PTPRN2: variants seen among roughly 807,000 people sequenced by gnomAD.
The protein encoded by PTPRN2 is receptor-type tyrosine-protein phosphatase N2.
PTPRN2 carries 74 observed loss-of-function variants against 118.8 expected under a neutral mutation model. The observed-to-expected ratio is 0.62, with a 90% CI of 0.52 to 0.76. The LOEUF is 0.76. Among genes scored for constraint, PTPRN2 ranks in the 30% least tolerant of loss-of-function variants. The probability of loss-of-function intolerance (pLI) is 0.00; values close to 1 mark genes in which losing one functional copy is unlikely to be tolerated. For synonymous variants in PTPRN2, 641 were observed against 608.0 expected, an observed-to-expected ratio of 1.05 and a Z score of -0.80; for missense variants, 1,481 against 1,394.4, an observed-to-expected ratio of 1.06 and a Z score of -0.99.
Position 158,129,244 on chromosome 7 carries a change from GACACCCC to G in PTPRN2, c.1556+4426_1556+4432del, listed in dbSNP as rs1382403366. On this transcript the variant is annotated intron_variant, in intron 9 of 22. Coordinates refer to ENST00000389418, the MANE Select transcript of PTPRN2 (RefSeq NM_002847.5). ...AGCACACCACACACGACACACAACA[GACACCCC>G]ACACTACACACCACACACTACACAC... 1.7e-3 allele frequency among the ~76,000 whole-genome samples: 214 copies of G among 123,762 alleles called. 1 individual carries two copies. The highest frequency in any genetic ancestry group is 6.3e-3 in the African/African-American group (189 of 29,986). The allele number at this position is 123,762 out of a possible 152,430, so 81.2% of individuals were successfully genotyped here.
At chr7:158,352,925 G>A (rs554947970) in intron 2 of PTPRN2, among the ~76,000 whole-genome samples, 63 of 152,284 alleles carry the variant, frequency 4.1e-4, no homozygotes, top group African/African-American at 1.1e-3. Flanking sequence ...GCCGCACCAG[G>A]GCCTGCACCA....
intron 3 of PTPRN2, among the ~76,000 whole-genome samples, chr7:158,242,486 C>A (rs1795958015): frequency 6.6e-6 from 1 of 152,204 alleles, no homozygotes; most frequent in Non-Finnish European, 1.5e-5. Context: ...GAATACTGGC[C>A]TGTAGTCTTC....
At chr7:158,482,573 CTA>C (rs1403411932) in intron 2 of PTPRN2, among the ~76,000 whole-genome samples, 8 of 152,140 alleles carry the variant, frequency 5.3e-5, no homozygotes, top group Admixed American at 4.6e-4. Context: ...AGACATAGTG[CTA>C]TTACACACTT....
At chr7:158,157,913 G>A (rs1005494687) in intron 6 of PTPRN2, among the ~76,000 whole-genome samples, 1 of 152,212 alleles carries the variant, frequency 6.6e-6, no homozygotes, top group Non-Finnish European at 1.5e-5. Context: ...TAACATAGGT[G>A]CCTTCTCCTC....
intron 11 of PTPRN2, among the ~76,000 whole-genome samples, chr7:158,057,885 A>C (rs1809917568): frequency 6.6e-6 from 1 of 152,192 alleles, no homozygotes; most frequent in African/African-American, 2.4e-5. Flanking sequence ...GAAGGAGTTA[A>C]AGTCCTCAGG....
intron 6 of PTPRN2, among the ~76,000 whole-genome samples, chr7:158,141,506 A>C (rs996122001): frequency 1.9e-4 from 29 of 152,266 alleles, no homozygotes; most frequent in African/African-American, 6.7e-4. Context: ...TTCCAAACAC[A>C]AGTGCCGATG....
chr7:157,562,561 A>T lies in PTPRN2; in HGVS notation c.2902+6341T>A, dbSNP rs550070535. On this transcript the variant is annotated intron_variant, in intron 21 of 22. Transcript: ENST00000389418. The stretch of plus-strand genomic sequence containing the variant: ...ACTGTATGGAACAAGGCGGCTCTGG[A>T]GGGCTGCTGGCCTTCAAAGTCCGGG... Among the ~76,000 whole-genome samples, 7 of 152,346 alleles carry T rather than the reference A, an allele frequency of 4.6e-5. No homozygotes were observed. In the East Asian group the frequency reaches 1.4e-3, roughly 29 times the overall value.
At chr7:158,304,461 A>G (rs113746920) in intron 3 of PTPRN2, among the ~76,000 whole-genome samples, 3,890 of 136,392 alleles carry the variant, frequency 0.029, 176 homozygotes, top group African/African-American at 0.1. Flanking sequence ...CCGTCAATAC[A>G]CTAAGATGTA....
At chr7:158,055,541 C>T (rs986046695) in intron 11 of PTPRN2, among the ~76,000 whole-genome samples, 12 of 152,336 alleles carry the variant, frequency 7.9e-5, no homozygotes, top group South Asian at 2.1e-4. Flanking sequence ...TCAGTGGTCA[C>T]GCTCCTAGTC....
At chr7:158,004,771 ACT>A (rs1193439743) in intron 11 of PTPRN2, among the ~76,000 whole-genome samples, 1 of 152,036 alleles carries the variant, frequency 6.6e-6, no homozygotes, top group Non-Finnish European at 1.5e-5. Context: ...CACTTCTGTG[ACT>A]CTGAGTTCAT....
In PTPRN2 at chr7:158,519,282, T is replaced by C. The variant is rs1823807874; in HGVS notation, c.113-29497A>G. On this transcript the variant is annotated intron_variant, in intron 1 of 22. Transcript: ENST00000389418. Reference sequence around the variant, plus strand: ...TGACACTGTCCTGCCAGCCAGCACATCTCCTCATTTTATGAAGTCGGACTC... The same window carrying C: ...TGACACTGTCCTGCCAGCCAGCACACCTCCTCATTTTATGAAGTCGGACTC... 2.0e-5 allele frequency among the ~76,000 whole-genome samples: 3 copies of C among 152,310 alleles called. No individual in the cohort carries two copies. The South Asian group carries it at 6.2e-4, about 32-fold the overall frequency.
chr7:158,466,463 A>G (rs908300467), intron 2 of PTPRN2, among the ~76,000 whole-genome samples: 1 of 152,038 alleles, frequency 6.6e-6, no homozygotes, highest in Non-Finnish European at 1.5e-5. Flanking sequence ...CACTATTTAC[A>G]ACATCATGTC....
At chr7:158,016,376 G>C (rs564380084) in intron 11 of PTPRN2, among the ~76,000 whole-genome samples, 1 of 152,308 alleles carries the variant, frequency 6.6e-6, no homozygotes, top group East Asian at 1.9e-4. Context: ...AGGGGGAGTG[G>C]GCTGTGAGTG....
chr7:158,276,060 T>C (rs1433187397), intron 3 of PTPRN2, among the ~76,000 whole-genome samples: 1 of 152,166 alleles, frequency 6.6e-6, no homozygotes, highest in African/African-American at 2.4e-5. Context: ...TACAGTCTCC[T>C]GGGAGCCCAC....
At chr7:158,536,218 T>A (rs895212319) in intron 1 of PTPRN2, among the ~76,000 whole-genome samples, 2 of 152,100 alleles carry the variant, frequency 1.3e-5, no homozygotes, top group African/African-American at 4.8e-5. Context: ...AATCATCACC[T>A]CCTCCTCTGG....
intron 12 of PTPRN2, among the ~76,000 whole-genome samples, chr7:157,758,565 T>C (rs1042169111): frequency 1.3e-5 from 2 of 152,240 alleles, no homozygotes; most frequent in Non-Finnish European, 2.9e-5. Flanking sequence ...GCAGCTGCTG[T>C]GCTGGGAAGG....
At chr7:158,293,746 AC>A (rs1800271668) in intron 3 of PTPRN2, among the ~76,000 whole-genome samples, 1 of 76,722 alleles carries the variant, frequency 1.3e-5, no homozygotes, top group South Asian at 5.9e-4. Context: ...CACTTTTAAA[AC>A]TTTTTTGTTA....
rs529443598 is a variant in PTPRN2, at chr7:157,587,966, G to T, written c.2496+7272C>A. The stretch of plus-strand genomic sequence containing the variant: ...CTGGGCTCCCGCGGTGGCTGTCCCC[G>T]TGCCTGGGCTCCCGCGGTGGCTGTC... On this transcript the variant is annotated intron_variant, in intron 17 of 22. Transcript: ENST00000389418. This position sits in a 1 kb window ranked among gnomAD's most constrained non-coding sequence, Gnocchi z 5.3. 6.7e-6 allele frequency among the ~76,000 whole-genome samples: 1 copy of T among 150,190 alleles called. No homozygotes were observed. The highest frequency in any genetic ancestry group is 2.5e-5 in the African/African-American group (1 of 40,706).
intron 12 of PTPRN2, among the ~76,000 whole-genome samples, chr7:157,773,786 C>T (rs1803029899): frequency 6.6e-6 from 1 of 152,224 alleles, no homozygotes; most frequent in Non-Finnish European, 1.5e-5. Context: ...TTGTGTCCGC[C>T]TCATCCAGTT....
Sources: gnomAD v4.1 joint callset for allele counts (sites outside exome capture counted in the v4.1 genomes callset) on GRCh38, gnomAD v4.1.1 for gene constraint, Gnocchi (gnomAD v3.1) non-coding constraint, MANE v1.5 for transcripts, NCBI Gene and HGNC (gene_info 2026-07-23, HGNC 2026-07-21) for gene names.